The following RUNDC3B variants were observed in gnomAD, a reference collection of about 807,000 sequenced individuals.
The protein encoded by RUNDC3B is RUN domain containing 3B.
A neutral mutation model predicts 58.4 loss-of-function variants in RUNDC3B; 33 were observed. That is an observed-to-expected ratio of 0.56 (90% CI 0.43 to 0.75). The LOEUF (loss-of-function observed/expected upper bound fraction) is 0.75, where lower values mean the gene tolerates loss of function less well. Among genes scored for constraint, RUNDC3B ranks in the 30% least tolerant of loss-of-function variants. RUNDC3B has a pLI of 0.00. For missense variants in RUNDC3B, 501 were observed against 535.7 expected (o/e 0.94, Z 0.64); for synonymous variants, 193 against 195.2 (o/e 0.99, Z 0.10).
At chr7:87,651,675 A>G (rs1024671211) in intron 2 of RUNDC3B, among the ~76,000 whole-genome samples, 1 of 152,126 alleles carries the variant, frequency 6.6e-6, no homozygotes, top group African/African-American at 2.4e-5. Flanking sequence ...CATCAGTAGT[A>G]GTAACTTGCT....
intron 1 of RUNDC3B, among the ~76,000 whole-genome samples, chr7:87,641,308 A>G (rs1264816860): frequency 6.6e-6 from 1 of 152,200 alleles, no homozygotes; most frequent in Non-Finnish European, 1.5e-5. Flanking sequence ...CCCATGGCCA[A>G]TAGTGTAGGT....
In RUNDC3B at chr7:87,807,453, C is replaced by T. The variant is rs1836496270; in HGVS notation, c.1037C>T (p.Ala346Val). 6.2e-7 allele frequency: 1 copy of T among 1,613,030 alleles called. No individual in the cohort carries two copies. Among genetic ancestry groups the T allele is most frequent in the African/African-American group, 1.3e-5 (1 of 74,886 alleles). Residue 346 changes from alanine (A) to valine (V), a missense_variant, in exon 9 of 11, where the codon GCT (alanine) becomes GTT (valine). Ala to Val is a moderately conservative substitution (Grantham distance 64). Coordinates refer to ENST00000394654, the MANE Select transcript of RUNDC3B (RefSeq NM_001134405.2). ...HLTNQWPSPG[A>V]LDVNAVALDT... ...ACCAACCAGTGGCCTTCTCCAGGAG[C>T]TCTGGATGTCAATGCTGTTGCCTTG...
chr7:87,720,024 CAAAGCAA>C (rs1830780697), intron 4 of RUNDC3B, among the ~76,000 whole-genome samples: 1 of 146,470 alleles, frequency 6.8e-6, no homozygotes, highest in Admixed American at 6.8e-5. Context: ...AAAAACTTTG[CAAAGCAA>C]AAACACCATA....
At chr7:87,638,666 T>C (rs1822090908) in intron 1 of RUNDC3B, among the ~76,000 whole-genome samples, 1 of 152,070 alleles carries the variant, frequency 6.6e-6, no homozygotes, top group South Asian at 2.1e-4. Flanking sequence ...CTTTTTATTG[T>C]TTGAAAGATC....
At chr7:87,806,997 T>C (rs956415084) in intron 8 of RUNDC3B, among the ~76,000 whole-genome samples, 3 of 152,086 alleles carry the variant, frequency 2.0e-5, no homozygotes, top group Non-Finnish European at 4.4e-5. Context: ...AGCTAGGAAA[T>C]CATACACATG....
intron 7 of RUNDC3B, among the ~76,000 whole-genome samples, chr7:87,773,509 C>T (rs900653413): frequency 9.9e-5 from 15 of 151,820 alleles, no homozygotes; most frequent in African/African-American, 2.9e-4. Flanking sequence ...ATAGATTGAA[C>T]GGATATAGTG....
intron 2 of RUNDC3B, among the ~76,000 whole-genome samples, chr7:87,687,074 A>T (rs1563133914): frequency 6.6e-6 from 1 of 152,214 alleles, no homozygotes; most frequent in African/African-American, 2.4e-5. Context: ...TAAATTGCGT[A>T]TAATTTAATC....
At chr7:87,761,031 G>C (rs1833648588) in intron 6 of RUNDC3B, among the ~76,000 whole-genome samples, 2 of 151,938 alleles carry the variant, frequency 1.3e-5, no homozygotes, top group African/African-American at 2.4e-5. Context: ...ATCAAAAAAT[G>C]AAAGAGTGAC....
intron 4 of RUNDC3B, among the ~76,000 whole-genome samples, chr7:87,727,634 A>T (rs938224867): frequency 2.6e-5 from 4 of 152,282 alleles, no homozygotes; most frequent in African/African-American, 9.6e-5. Flanking sequence ...CTAGGAAAAA[A>T]AATCTGCAAT....
intron 1 of RUNDC3B, among the ~76,000 whole-genome samples, chr7:87,647,910 C>T (rs534100336): frequency 2.0e-5 from 3 of 152,184 alleles, no homozygotes; most frequent in African/African-American, 7.2e-5. Flanking sequence ...ATAGGCCAGG[C>T]ACGGTGGCTC....
chr7:87,690,225 T>G (rs548943894), intron 2 of RUNDC3B, among the ~76,000 whole-genome samples: 1 of 152,238 alleles, frequency 6.6e-6, no homozygotes, highest in African/African-American at 2.4e-5. Flanking sequence ...TATCCATAAA[T>G]TCAAATACTT....
chr7:87,775,812 G>GCTATGCATCTAGCTA (rs1834589374), intron 7 of RUNDC3B, among the ~76,000 whole-genome samples: 1 of 152,064 alleles, frequency 6.6e-6, no homozygotes, highest in South Asian at 2.1e-4. Context: ...AGGAACAATA[G>GCTATGCATCTAGCTA]GCTATACCAT....
intron 2 of RUNDC3B, among the ~76,000 whole-genome samples, chr7:87,668,462 T>A (rs1337807078): frequency 6.6e-6 from 1 of 152,074 alleles, no homozygotes; most frequent in African/African-American, 2.4e-5. Context: ...TTTTGATTGT[T>A]TTTTTTGTGT....
At chr7:87,662,285 G>T (rs1824789690) in intron 2 of RUNDC3B, among the ~76,000 whole-genome samples, 1 of 151,992 alleles carries the variant, frequency 6.6e-6, no homozygotes, top group Non-Finnish European at 1.5e-5. Context: ...TTTTGCTTTG[G>T]TTCCCTGTTC....
intron 4 of RUNDC3B, among the ~76,000 whole-genome samples, chr7:87,733,737 A>T (rs1390101304): frequency 1.3e-5 from 2 of 152,124 alleles, no homozygotes; most frequent in East Asian, 3.9e-4. Context: ...TGTGCAGTTC[A>T]CAGTAGGGTT....
chr7:87,790,623 A>C (rs1406450743), intron 8 of RUNDC3B, among the ~76,000 whole-genome samples: 2 of 152,144 alleles, frequency 1.3e-5, no homozygotes, highest in Non-Finnish European at 2.9e-5. Context: ...TTCTATCATA[A>C]ATTTAACAAA....
At chr7:87,789,720 T>C (rs1383315371) in intron 8 of RUNDC3B, among the ~76,000 whole-genome samples, 1 of 152,192 alleles carries the variant, frequency 6.6e-6, no homozygotes, top group African/African-American at 2.4e-5. Flanking sequence ...CCATGTTCTA[T>C]TGCACTTCCT....
At chr7:87,823,134 A>G (rs1242481512) in intron 10 of RUNDC3B, among the ~76,000 whole-genome samples, 2 of 152,154 alleles carry the variant, frequency 1.3e-5, no homozygotes, top group East Asian at 3.8e-4. Flanking sequence ...TAATTTGTTT[A>G]ACTAAAGGTA....
intron 2 of RUNDC3B, among the ~76,000 whole-genome samples, chr7:87,688,867 T>A (rs1827738828): frequency 6.6e-6 from 1 of 152,018 alleles, no homozygotes; most frequent in African/African-American, 2.4e-5. Flanking sequence ...GTATTTGTAT[T>A]TATTTATAAT....
Sources: allele counts gnomAD v4.1 joint callset (sites outside exome capture counted in the v4.1 genomes callset), GRCh38; gene constraint gnomAD v4.1.1; transcripts MANE v1.5; gene names NCBI Gene and HGNC (gene_info 2026-07-23, HGNC 2026-07-21).